The following RNF215 variants were observed in gnomAD, a reference collection of about 807,000 sequenced individuals.
RNF215 encodes ring finger protein 215.
In RNF215, 41 loss-of-function variants were observed where a neutral mutation model predicts 44.8. The observed-to-expected ratio is 0.92, with a 90% CI of 0.71 to 1.19. The LOEUF is 1.19. RNF215 is among the 50% of genes most tolerant of loss of function. RNF215 has a pLI of 0.00. For missense variants in RNF215, 452 were observed against 496.2 expected (o/e 0.91, Z 0.85); for synonymous variants, 218 against 230.1 (o/e 0.95, Z 0.48).
rs1335176547 is a variant in RNF215 at position 30,386,778 on chromosome 22, T to A, written c.286-19A>T. The A allele has an allele frequency of 7.5e-6, 12 of 1,597,928 alleles. No individual in the cohort carries two copies. Among genetic ancestry groups the A allele is most frequent in the Non-Finnish European group, 1.0e-5 (12 of 1,177,856 alleles). ...TGTCCATCTGTGTGGCAAGGGGCCA[T>A]GAGCAGAGGGAGGTAGGGTGTGGTG... On this transcript the variant is annotated intron_variant, in intron 1 of 8. Coordinates refer to ENST00000382363, the MANE Select transcript of RNF215 (RefSeq NM_001017981.2).
Position 30,384,380 on chromosome 22 carries a change from G to C in RNF215, c.703C>G (p.Gln235Glu), listed in dbSNP as rs978909478. Residue 235 changes from glutamine to glutamate, a missense_variant, in exon 5 of 9, where the codon CAG (glutamine) becomes GAG (glutamate). By Grantham distance (29) the Gln-to-Glu change is conservative. Transcript: ENST00000382363. ...CTGCCTCCAAGGCAGACCAAGTCCT[G>C]CCATCCTCCATAGCCATCCTTGGAG... ...GLSKDGYGGW[Q>E]DLVCLGGSRA... 3 of 1,613,900 alleles carry C rather than the reference G, an allele frequency of 1.9e-6. No individual in the cohort carries two copies. Among genetic ancestry groups the C allele is most frequent in the Non-Finnish European group, 2.5e-6 (3 of 1,179,970 alleles).
intron 4 of RNF215, chr22:30,384,761 G>A (rs1933572955): frequency 5.5e-6 from 2 of 365,374 alleles, no homozygotes; most frequent in Non-Finnish European, 5.0e-6. Flanking sequence ...CCAGGCTCTG[G>A]CACCTCCTTC....
In RNF215 at chr22:30,379,631, G is replaced by T. The variant is rs895931192; in HGVS notation, c.1112-9C>A. 7.7e-6 allele frequency: 12 copies of T among 1,551,574 alleles called. No individual in the cohort carries two copies. In the Admixed American group the frequency reaches 1.6e-4, roughly 20 times the overall value. On this transcript the variant is annotated splice_polypyrimidine_tract_variant and intron_variant, in intron 8 of 8. Transcript: ENST00000382363. ...ATCGGAGTAGCGGTTCCCTGCAGGG[G>T]AGGGGAAGAAGAACAGGGAGAGAGG...
chr22:30,381,940 C>T (rs921616446), intron 5 of RNF215, among the ~76,000 whole-genome samples: 2 of 152,220 alleles, frequency 1.3e-5, no homozygotes, highest in African/African-American at 4.8e-5. Flanking sequence ...GGGGCCACCA[C>T]CAGCTCTGTG....
chr22:30,381,491 G>C (rs548335782), intron 5 of RNF215, among the ~76,000 whole-genome samples: 1 of 152,340 alleles, frequency 6.6e-6, no homozygotes, highest in African/African-American at 2.4e-5. Context: ...GCTGGCTCAG[G>C]AGATGGCGCA....
rs765418868 is a variant in RNF215, at chr22:30,380,391, T to C, written c.755A>G (p.Gln252Arg). 4 of 1,604,992 alleles carry C rather than the reference T, an allele frequency of 2.5e-6. No individual in the cohort carries two copies. The highest frequency in any genetic ancestry group is 3.4e-6 in the Non-Finnish European group (4 of 1,174,748). Residue 252 changes from glutamine to arginine, a missense_variant, in exon 6 of 9, where the codon CAG (glutamine) becomes CGG (arginine). Transcript: ENST00000382363. The surrounding 1 kb of genome is among the most constrained non-coding windows in gnomAD (Gnocchi z 5.3). ...CAGCAGGATGGCGTTCCACAGCTGC[T>C]GCAGGGGTTTCTGGGGAGGGAAGCA... ...GSRAQEQKPL[Q>R]QLWNAILLVA...
In RNF215 at chr22:30,386,894, G is replaced by T. The variant is rs1485743732; in HGVS notation, c.285+135C>A. On this transcript the variant is annotated intron_variant, in intron 1 of 8. Coordinates refer to ENST00000382363, the MANE Select transcript of RNF215 (RefSeq NM_001017981.2). ...GGTTTGGGAAGCCGGAATGCTGGGG[G>T]CCTGGGGAGCCTGGGGAGGGGCGCT... is the stretch of plus-strand genomic sequence containing the variant. The T allele has an allele frequency of 3.4e-6, 5 of 1,471,466 alleles. No homozygotes were observed. The African/African-American group carries it at 4.2e-5, about 12-fold the overall frequency. The allele number at this position is 1,471,466 out of a possible 1,614,324, so 91.2% of individuals were successfully genotyped here. A position where few individuals can be genotyped will look rare whatever the true frequency, so the allele number is the denominator to read the frequency against.
chr22:30,380,043 C>G lies in RNF215; in HGVS notation c.1008+19G>C, dbSNP rs770071628. On this transcript the variant is annotated intron_variant, in intron 7 of 8. Coordinates refer to ENST00000382363, the MANE Select transcript of RNF215 (RefSeq NM_001017981.2). This position sits in a 1 kb window ranked among gnomAD's most constrained non-coding sequence, Gnocchi z 5.3. ...CATCACAGGTGAGCTGATGGCTGGTCTCTACCCGGGGCACTAGCCTGTTTG... is the reference window on the plus strand; with the variant it reads ...CATCACAGGTGAGCTGATGGCTGGTGTCTACCCGGGGCACTAGCCTGTTTG... 6.2e-7 allele frequency: 1 copy of G among 1,613,096 alleles called. No homozygotes were observed. Among genetic ancestry groups the G allele is most frequent in the Admixed American group, 1.7e-5 (1 of 59,978 alleles).
In RNF215 at chr22:30,379,435, C is replaced by A; in HGVS notation, c.*165G>T. The A allele has an allele frequency of 1.3e-6, 1 of 795,318 alleles. No individual in the cohort carries two copies. The highest frequency in any genetic ancestry group is 2.0e-6 in the Non-Finnish European group (1 of 506,290). 49.3% of individuals were successfully genotyped at this position (795,318 alleles called of 1,614,324 possible). ...CTCAGTCTGAAGCTGTGGGGCCCTCCTTCCCAGTGTGGACATGGTGGGGCC... is the reference window on the plus strand; with the variant it reads ...CTCAGTCTGAAGCTGTGGGGCCCTCATTCCCAGTGTGGACATGGTGGGGCC... On this transcript the variant is annotated 3_prime_UTR_variant, in exon 9 of 9. Transcript: ENST00000382363.
rs1048312923 is a variant in RNF215, at chr22:30,380,012, G to T, written c.1008+50C>A. The T allele has an allele frequency of 1.9e-6, 3 of 1,607,502 alleles. No individual in the cohort carries two copies. In the Admixed American group the frequency reaches 5.0e-5, roughly 27 times the overall value. On this transcript the variant is annotated intron_variant, in intron 7 of 8. Coordinates refer to ENST00000382363, the MANE Select transcript of RNF215 (RefSeq NM_001017981.2). The surrounding 1 kb of genome is among the most constrained non-coding windows in gnomAD (Gnocchi z 5.3). ...GGTTCCAAGGTCCCAGGAGTAAGGT[G>T]GGAGGCATCACAGGTGAGCTGATGG...
Position 30,379,616 on chromosome 22 carries a change from C to CG in RNF215, c.1117dup (p.Arg373ProfsTer5), listed in dbSNP as rs1933491778. The CG allele has an allele frequency of 6.4e-7, 1 of 1,551,094 alleles. No individual in the cohort carries two copies. On this transcript the variant is annotated frameshift_variant, in exon 9 of 9. Transcript: ENST00000382363. LOFTEE classifies it high-confidence loss of function. ...GCTGGGCAGCTAATCATCGGAGTAG[C>CG]GGTTCCCTGCAGGGGAGGGGAAGAA...
chr22:30,384,424 A>G lies in RNF215; in HGVS notation c.659T>C (p.Leu220Ser). The change falls in exon 5 of 9, where the codon TTG becomes TCG. Residue 220 changes from leucine to serine, a missense_variant. By Grantham distance (145) the Leu-to-Ser change is moderately radical (BLOSUM62 -2). Coordinates refer to ENST00000382363, the MANE Select transcript of RNF215 (RefSeq NM_001017981.2). ...LSANIEWKLT[L>S]WTTCGLSKDG... ...CTTGGAGAGGCCACAGGTGGTCCACAAGGTCAACTTCCACTCGATATTGGC... is the reference window on the plus strand; with the variant it reads ...CTTGGAGAGGCCACAGGTGGTCCACGAGGTCAACTTCCACTCGATATTGGC... 1 of 1,614,036 alleles carries G rather than the reference A, an allele frequency of 6.2e-7. No homozygotes were observed. Among genetic ancestry groups the G allele is most frequent in the East Asian group, 2.2e-5 (1 of 44,890 alleles).
rs148531088 is a variant in RNF215 at position 30,380,312 on chromosome 22, C to T, written c.834G>A (p.Ser278=). ...GLVVQAQRQA[S]RQSQRELGGQ... ...CTCCGAGCTCCCGCTGGCTCTGCCG[C>T]GACGCCTGCCGCTGGGCCTGGACCA... The change falls in exon 6 of 9, where the codon TCG becomes TCA. Residue 278 remains serine (S), a synonymous_variant. Transcript: ENST00000382363. The surrounding 1 kb of genome is among the most constrained non-coding windows in gnomAD (Gnocchi z 5.3). The T allele has an allele frequency of 2.6e-5, 42 of 1,610,754 alleles. No individual in the cohort carries two copies. The highest frequency in any genetic ancestry group is 2.5e-4 in the Admixed American group (15 of 59,880).
At chr22:30,386,492 C>G in intron 2 of RNF215, 124 bp downstream of exon 2, 2 of 1,273,966 alleles carry the variant, frequency 1.6e-6, no homozygotes, top group Non-Finnish European at 2.2e-6. Flanking sequence ...ACTGGGGTGC[C>G]CTGACCCACC....
In RNF215 at chr22:30,386,662, T is replaced by C. The variant is rs1183445754; in HGVS notation, c.383A>G (p.Asn128Ser). 1.9e-6 allele frequency: 3 copies of C among 1,613,210 alleles called. No individual in the cohort carries two copies. The highest frequency in any genetic ancestry group is 2.5e-6 in the Non-Finnish European group (3 of 1,180,016). ...ATAGGCCTGCGGGCCACTGCCCTTA[T>C]TCTCCTGGTGGAACTGGGCCGCCTG... ...KEQAAQFHQENKGSGPQAYPK... is the reference protein window; with the variant it reads ...KEQAAQFHQESKGSGPQAYPK... The change falls in exon 2 of 9, where the codon AAT becomes AGT. Residue 128 changes from asparagine to serine, a missense_variant. Asn to Ser is a conservative substitution (Grantham distance 46, BLOSUM62 1). Coordinates refer to ENST00000382363, the MANE Select transcript of RNF215 (RefSeq NM_001017981.2).
intron 5 of RNF215, 44 bp downstream of exon 5, chr22:30,384,295 C>A (rs993481958): frequency 1.9e-6 from 3 of 1,584,690 alleles, no homozygotes; most frequent in Non-Finnish European, 2.6e-6. Flanking sequence ...TATGGCCCCA[C>A]GAGCCTCCTT....
chr22:30,381,399 C>T (rs1933527953), intron 5 of RNF215, among the ~76,000 whole-genome samples: 1 of 152,154 alleles, frequency 6.6e-6, no homozygotes. Context: ...TGGGCAGCCT[C>T]AGAGTGACTG....
Position 30,384,190 on chromosome 22 carries a change from C to T in RNF215, c.744+149G>A, listed in dbSNP as rs925604781. 1.2e-4 allele frequency: 102 copies of T among 828,256 alleles called. No individual in the cohort carries two copies. The African/African-American group carries it at 1.7e-3, about 14-fold the overall frequency. 51.3% of individuals were successfully genotyped at this position (828,256 alleles called of 1,614,324 possible). A position where few individuals can be genotyped will look rare whatever the true frequency, so the allele number is the denominator to read the frequency against. ...AACTGAGCGCCCACCTACACCATGT[C>T]TCTGAACACTCACAGCACTCCTGTG... On this transcript the variant is annotated intron_variant, in intron 5 of 8. Transcript: ENST00000382363.
rs1933494806 is a variant in RNF215 at position 30,379,712 on chromosome 22, C to T, written c.1110G>A (p.Leu370=). ...QTCPLCKFNV[L]GNRYSDD ...AGGGACCCCACCCCTGGTGCTCACC[C>T]AGGACGTTGAATTTGCACAGTGGGC... is the stretch of plus-strand genomic sequence containing the variant. Residue 370 remains leucine, a splice_region_variant and synonymous_variant, in exon 8 of 9, where the codon CTG becomes CTA. Coordinates refer to ENST00000382363, the MANE Select transcript of RNF215 (RefSeq NM_001017981.2). 1.3e-6 allele frequency: 2 copies of T among 1,556,984 alleles called. No individual in the cohort carries two copies. Among genetic ancestry groups the T allele is most frequent in the South Asian group, 1.2e-5 (1 of 84,300 alleles).
Sources: allele counts gnomAD v4.1 joint callset (sites outside exome capture counted in the v4.1 genomes callset), GRCh38; gene constraint gnomAD v4.1.1; non-coding constraint Gnocchi (gnomAD v3.1); transcripts MANE v1.5; gene names NCBI Gene and HGNC (gene_info 2026-07-23, HGNC 2026-07-21).